The following SMIM14 variants were observed in gnomAD, a reference collection of about 807,000 sequenced individuals.
The protein encoded by SMIM14 is small integral membrane protein 14, also known as chromosome 4 open reading frame 34.
A neutral mutation model predicts 12.6 loss-of-function variants in SMIM14; 5 were observed. The ratio of observed to expected loss-of-function variants is 0.40; its 90% CI spans 0.21 to 0.83. The LOEUF is 0.83. SMIM14 is among the 40% of genes least tolerant of loss of function. SMIM14 has a pLI of 0.37. For synonymous variants in SMIM14, 30 were observed against 40.1 expected, an observed-to-expected ratio of 0.75 and a Z score of 0.95; for missense variants, 86 against 119.1, an observed-to-expected ratio of 0.72 and a Z score of 1.29.
chr4:39,625,065 A>T (rs149142606), intron 1 of SMIM14, among the ~76,000 whole-genome samples: 49 of 150,488 alleles, frequency 3.3e-4, no homozygotes, highest in African/African-American at 1.2e-3. Flanking sequence ...AAAAAAGACA[A>T]AAGTTAGCTG....
chr4:39,602,413 G>T (rs1714653455), intron 2 of SMIM14, among the ~76,000 whole-genome samples: 1 of 152,100 alleles, frequency 6.6e-6, no homozygotes, highest in Non-Finnish European at 1.5e-5. Flanking sequence ...TGGCCAACAT[G>T]GTAAAACCCC....
At chr4:39,620,251 G>A (rs956127006) in intron 1 of SMIM14, among the ~76,000 whole-genome samples, 2 of 151,804 alleles carry the variant, frequency 1.3e-5, no homozygotes, top group East Asian at 3.9e-4. Context: ...AGACCGAGGC[G>A]GGCGGATCAC....
At chr4:39,556,008 C>CA (rs1207421365) in intron 4 of SMIM14, among the ~76,000 whole-genome samples, 1 of 151,900 alleles carries the variant, frequency 6.6e-6, no homozygotes. Flanking sequence ...CCCATCTCTA[C>CA]AAAAAAATAC....
At chr4:39,562,823 T>TTTTTTTTTTTTTTTTTTTTTTTTG (rs1553861780) in intron 3 of SMIM14, among the ~76,000 whole-genome samples, 3 of 150,074 alleles carry the variant, frequency 2.0e-5, no homozygotes, top group African/African-American at 7.5e-5. Flanking sequence ...TTTGTATTTT[T>TTTTTTTTTTTTTTTTTTTTTTTTG]AGTAGAGACG....
intron 3 of SMIM14, among the ~76,000 whole-genome samples, chr4:39,561,044 T>C (rs1712286532): frequency 6.6e-6 from 1 of 152,158 alleles, no homozygotes; most frequent in African/African-American, 2.4e-5. Context: ...TTTTTCTTTT[T>C]TTTTAAAAGC....
At chr4:39,566,657 A>G (rs1359947029) in intron 3 of SMIM14, among the ~76,000 whole-genome samples, 1 of 151,932 alleles carries the variant, frequency 6.6e-6, no homozygotes, top group Admixed American at 6.6e-5. Flanking sequence ...ACATACAGAA[A>G]CCCTGTCTCT....
chr4:39,613,266 A>G (rs1437054672), intron 1 of SMIM14, among the ~76,000 whole-genome samples: 1 of 152,212 alleles, frequency 6.6e-6, no homozygotes, highest in Non-Finnish European at 1.5e-5. Context: ...TGTGCCAGGA[A>G]CAAGTAAATC....
intron 2 of SMIM14, among the ~76,000 whole-genome samples, chr4:39,596,442 A>T (rs78136066): frequency 6.6e-6 from 1 of 152,278 alleles, no homozygotes; most frequent in East Asian, 1.9e-4. Flanking sequence ...AACCAAGAAG[A>T]ACATGATGCT....
chr4:39,612,665 AT>A (rs142036943), intron 1 of SMIM14, among the ~76,000 whole-genome samples: 19,479 of 152,256 alleles, frequency 0.13, 1,670 homozygotes, highest in South Asian at 0.3. Flanking sequence ...CAGTGGCACA[AT>A]CATGGCTCAC....
Position 39,554,963 on chromosome 4 carries a change from G to C in SMIM14, c.267+1465C>G, listed in dbSNP as rs1159455992. On this transcript the variant is annotated intron_variant, in intron 4 of 4. Coordinates refer to ENST00000295958, the MANE Select transcript of SMIM14 (RefSeq NM_174921.3). ...CAATTCTCTTGCCTCAGCCTCCCGA[G>C]TAGCTGGGATTACAGGTGCCCACCA... Among the ~76,000 whole-genome samples the C allele has an allele frequency of 2.7e-5, 4 of 150,932 alleles. No homozygotes were observed. The East Asian group carries it at 7.8e-4, about 30-fold the overall frequency.
chr4:39,617,976 T>C (rs1218657365), intron 1 of SMIM14, among the ~76,000 whole-genome samples: 1 of 152,176 alleles, frequency 6.6e-6, no homozygotes, highest in Non-Finnish European at 1.5e-5. Context: ...CCAAGGTGCA[T>C]CTGCAATCAA....
intron 2 of SMIM14, among the ~76,000 whole-genome samples, chr4:39,597,507 C>CA (rs1013850271): frequency 6.7e-6 from 1 of 148,826 alleles, no homozygotes; most frequent in East Asian, 2.0e-4. Flanking sequence ...ACAGTGGCAC[C>CA]ATCTAAGCTC....
intron 1 of SMIM14, among the ~76,000 whole-genome samples, chr4:39,605,599 T>TA (rs1368981677): frequency 6.6e-6 from 1 of 152,060 alleles, no homozygotes; most frequent in Admixed American, 6.6e-5. Context: ...ATGACATAGC[T>TA]AAAAAATAGC....
chr4:39,576,684 A>ATATATATT (rs1560289781), intron 2 of SMIM14, among the ~76,000 whole-genome samples: 2 of 25,544 alleles, frequency 7.8e-5, no homozygotes, highest in Non-Finnish European at 1.3e-4. Flanking sequence ...ATATATATAT[A>ATATATATT]TTTTTTTTTT....
intron 2 of SMIM14, 97 bp from the exon 3 acceptor site, chr4:39,572,560 A>C: frequency 7.1e-6 from 7 of 985,574 alleles, no homozygotes; most frequent in Non-Finnish European, 1.1e-5. Flanking sequence ...GCGGTGGCTC[A>C]CGCCTGTAAT....
intron 2 of SMIM14, among the ~76,000 whole-genome samples, chr4:39,586,321 T>C (rs1451194292): frequency 6.6e-6 from 1 of 152,048 alleles, no homozygotes; most frequent in African/African-American, 2.4e-5. Context: ...AACATTTTGC[T>C]TAGAAATCTC....
chr4:39,555,118 G>A (rs1298919427), intron 4 of SMIM14, among the ~76,000 whole-genome samples: 8 of 151,552 alleles, frequency 5.3e-5, no homozygotes, highest in Non-Finnish European at 1.0e-4. Context: ...TTACAGGCAT[G>A]AGCCACCGCG....
Position 39,638,806 on chromosome 4 carries a change from C to T in SMIM14, c.-103G>A, listed in dbSNP as rs1358245736. 1 of 985,832 alleles carries T rather than the reference C, an allele frequency of 1.0e-6. No homozygotes were observed. The highest frequency in any genetic ancestry group is 1.2e-6 in the Non-Finnish European group (1 of 830,236). The allele number at this position is 985,832 out of a possible 1,614,324, so 61.1% of individuals were successfully genotyped here. ...GGACCGAGGCTCGGCAGAAAGACCG[C>T]CTGGAGCTTCCAGAAGGCTGCGGCT... On this transcript the variant is annotated 5_prime_UTR_variant, in exon 1 of 5. Coordinates refer to ENST00000295958, the MANE Select transcript of SMIM14 (RefSeq NM_174921.3).
At chr4:39,553,984 C>T (rs1711871450) in intron 4 of SMIM14, among the ~76,000 whole-genome samples, 1 of 152,010 alleles carries the variant, frequency 6.6e-6, no homozygotes, top group Non-Finnish European at 1.5e-5. Context: ...TGCTACATAT[C>T]TAAATGTTCT....
Sources: gnomAD v4.1 joint callset for allele counts (sites outside exome capture counted in the v4.1 genomes callset) on GRCh38, gnomAD v4.1.1 for gene constraint, MANE v1.5 for transcripts, NCBI Gene and HGNC (gene_info 2026-07-23, HGNC 2026-07-21) for gene names.